Variants in ATRN observed in about 807,000 individuals in gnomAD.
ATRN encodes the protein attractin-2.
In ATRN, 54 loss-of-function variants were observed where a neutral mutation model predicts 178.7. That is an observed-to-expected ratio of 0.30 (90% confidence interval 0.24 to 0.38). The LOEUF is 0.38. Ranked by LOEUF, ATRN falls within the 10% of genes least tolerant of loss-of-function variation. ATRN has a pLI of 1.00. For synonymous variants in ATRN, 636 were observed against 663.0 expected (o/e 0.96, Z 0.63); for missense variants, 1,443 against 1,815.1 (o/e 0.79, Z 3.73).
At chr20:3,498,448 A>G (rs184178159) in intron 1 of ATRN, among the ~76,000 whole-genome samples, 2 of 152,184 alleles carry the variant, frequency 1.3e-5, no homozygotes, top group African/African-American at 4.8e-5. Context: ...ATACTGGCAA[A>G]GCGAATCCAG....
At chr20:3,581,751 G>T (rs532120522) in intron 15 of ATRN, among the ~76,000 whole-genome samples, 16 of 152,196 alleles carry the variant, frequency 1.1e-4, no homozygotes, top group African/African-American at 3.9e-4. Context: ...ATATTGCTTT[G>T]CTATAATTTC....
intron 1 of ATRN, among the ~76,000 whole-genome samples, chr20:3,524,501 A>G (rs537352701): frequency 1.8e-4 from 28 of 152,322 alleles, no homozygotes; most frequent in African/African-American, 6.3e-4. Flanking sequence ...TATCAGACAG[A>G]TCAATGAGAC....
intron 23 of ATRN, among the ~76,000 whole-genome samples, chr20:3,602,012 T>C (rs2086616770): frequency 1.3e-5 from 2 of 152,130 alleles, no homozygotes; most frequent in Non-Finnish European, 2.9e-5. Flanking sequence ...GCCAGTTTCC[T>C]CCTGTATAAA....
Position 3,630,964 on chromosome 20 carries a change from T to TTTTG in ATRN, c.3864-3347_3864-3346insTTTG, listed in dbSNP as rs1307722255. ...TTTTTTTTTTTTTTTTTTTTTTTTT[T>TTTTG]GGGATAGGGTCTCTGTTGCCCAGGC... On this transcript the variant is annotated intron_variant, in intron 25 of 28. Coordinates refer to ENST00000262919, the MANE Select transcript of ATRN (RefSeq NM_139321.3). Among the ~76,000 whole-genome samples, 2 of 73,474 alleles carry TTTTG rather than the reference T, an allele frequency of 2.7e-5. 1 individual carries two copies. The highest frequency in any genetic ancestry group is 1.2e-4 in the African/African-American group (2 of 16,062). 48.2% of individuals were successfully genotyped at this position (73,474 alleles called of 152,430 possible).
chr20:3,484,912 T>TA (rs1568681204), intron 1 of ATRN, among the ~76,000 whole-genome samples: 1 of 63,998 alleles, frequency 1.6e-5, no homozygotes, highest in East Asian at 2.7e-4. Flanking sequence ...ATTTTAAAAT[T>TA]ATTATTATTA....
At chr20:3,571,524 A>G (rs3848809) in intron 11 of ATRN, among the ~76,000 whole-genome samples, 24,213 of 150,110 alleles carry the variant, frequency 0.16, 2,568 homozygotes, top group East Asian at 0.41. Flanking sequence ...CTTTTGCCCC[A>G]TAGTCTCACC....
At chr20:3,474,731 A>T (rs375438177) in intron 1 of ATRN, among the ~76,000 whole-genome samples, 1 of 141,662 alleles carries the variant, frequency 7.1e-6, no homozygotes, top group East Asian at 2.2e-4. Flanking sequence ...AACAACAAAA[A>T]CTCAATAAAA....
At chr20:3,500,545 A>G (rs1228370580) in intron 1 of ATRN, among the ~76,000 whole-genome samples, 1 of 151,664 alleles carries the variant, frequency 6.6e-6, no homozygotes, top group Non-Finnish European at 1.5e-5. Context: ...AGGGACATGG[A>G]TGAAATTGGA....
intron 26 of ATRN, among the ~76,000 whole-genome samples, chr20:3,635,963 G>T (rs1215403118): frequency 6.6e-6 from 1 of 152,134 alleles, no homozygotes; most frequent in Non-Finnish European, 1.5e-5. Context: ...TCACAATGGA[G>T]TAAGAAAGAA....
At chr20:3,555,464 A>G (rs2085864272) in intron 6 of ATRN, among the ~76,000 whole-genome samples, 2 of 152,148 alleles carry the variant, frequency 1.3e-5, no homozygotes, top group African/African-American at 2.4e-5. Flanking sequence ...ATCAGGTGAA[A>G]GGGGGAGAAA....
intron 1 of ATRN, among the ~76,000 whole-genome samples, chr20:3,529,729 G>C (rs2085424528): frequency 6.6e-6 from 1 of 152,146 alleles, no homozygotes; most frequent in South Asian, 2.1e-4. Flanking sequence ...ATTACACTTT[G>C]TGTATACATT....
chr20:3,488,671 C>G (rs2084733202), intron 1 of ATRN, among the ~76,000 whole-genome samples: 1 of 152,002 alleles, frequency 6.6e-6, no homozygotes, highest in Non-Finnish European at 1.5e-5. Flanking sequence ...TGTTCTTTTT[C>G]AGGTTTATTT....
At position 3,600,868 on chromosome 20, in the gene ATRN, G is replaced by A. The variant is rs2086598642; in HGVS notation, c.3565-78G>A. 3.9e-6 allele frequency: 5 copies of A among 1,287,716 alleles called. No homozygotes were observed. The South Asian group carries it at 3.9e-5, about 10-fold the overall frequency. The allele number at this position is 1,287,716 out of a possible 1,614,324, so 79.8% of individuals were successfully genotyped here. ...ATGTTTGTGATTAAGAACATTTAGA[G>A]GAGTAAACTTTATTGCTTTATTTTA... On this transcript the variant is annotated intron_variant, in intron 22 of 28. Coordinates refer to ENST00000262919, the MANE Select transcript of ATRN (RefSeq NM_139321.3).
chr20:3,585,926 A>G (rs1331918149), intron 18 of ATRN, among the ~76,000 whole-genome samples: 3 of 152,206 alleles, frequency 2.0e-5, no homozygotes, highest in African/African-American at 4.8e-5. Flanking sequence ...GGCTGTAATC[A>G]ATAAAACAGG....
chr20:3,624,450 A>G, intron 24 of ATRN, 61 bp from the exon 25 acceptor site: 1 of 1,352,172 alleles, frequency 7.4e-7, no homozygotes, highest in Non-Finnish European at 1.1e-6. Context: ...TGAAATGAGA[A>G]GCGTGAATCC....
At chr20:3,613,941 AGCATTGGG>A (rs1468155755) in intron 24 of ATRN, among the ~76,000 whole-genome samples, 1 of 152,206 alleles carries the variant, frequency 6.6e-6, no homozygotes, top group Non-Finnish European at 1.5e-5. Flanking sequence ...AATTTGTGTA[AGCATTGGG>A]GCTTTAAAAA....
At position 3,646,835 on chromosome 20, in the gene ATRN, G is replaced by T; in HGVS notation, c.4278G>T (p.Gly1426=). The change falls in exon 29 of 29, where the codon GGG becomes GGT. Residue 1426 remains glycine (G), a synonymous_variant. Transcript: ENST00000262919. The part of the protein sequence containing the change: ...NRKQQPPAQP[G]TCI ...AGCAGCAGCCCCCTGCACAGCCTGG[G>T]ACCTGCATCTGATGCTGGGGCCAGG... 1 of 1,613,258 alleles carries T rather than the reference G, an allele frequency of 6.2e-7. No individual in the cohort carries two copies. The highest frequency in any genetic ancestry group is 1.1e-5 in the South Asian group (1 of 90,724).
At chr20:3,589,980 A>G (rs780010637) in intron 18 of ATRN, among the ~76,000 whole-genome samples, 46 of 151,700 alleles carry the variant, frequency 3.0e-4, no homozygotes, top group Non-Finnish European at 6.0e-4. Flanking sequence ...ATGGAGTTTC[A>G]CTCTTGTTGC....
chr20:3,582,884 A>G (rs969901183), intron 16 of ATRN, among the ~76,000 whole-genome samples: 3 of 152,184 alleles, frequency 2.0e-5, no homozygotes, highest in Non-Finnish European at 4.4e-5. Flanking sequence ...AGACACTCGG[A>G]GTAGCTTCCC....
Sources: gnomAD v4.1 joint callset for allele counts (sites outside exome capture counted in the v4.1 genomes callset) on GRCh38, gnomAD v4.1.1 for gene constraint, MANE v1.5 for transcripts, NCBI Gene and HGNC (gene_info 2026-07-23, HGNC 2026-07-21) for gene names.